C18orf63: variants seen among roughly 807,000 people sequenced by gnomAD.
The protein encoded by C18orf63 is uncharacterized protein C18orf63.
Under a neutral mutation model 75.3 loss-of-function variants are expected in C18orf63, and 50 were observed. The observed-to-expected ratio is 0.66, with a 90% CI of 0.53 to 0.84. The LOEUF (loss-of-function observed/expected upper bound fraction) is 0.84, where lower values mean the gene tolerates loss of function less well. C18orf63 is among the 40% of genes least tolerant of loss of function. The pLI is 0.00. For missense variants in C18orf63, 732 were observed against 800.2 expected (o/e 0.91, Z 1.03); for synonymous variants, 232 against 267.6 (o/e 0.87, Z 1.30).
chr18:74,321,377 TCA>T (rs1225493773), intron 3 of C18orf63, among the ~76,000 whole-genome samples: 1 of 146,008 alleles, frequency 6.8e-6, no homozygotes, highest in Non-Finnish European at 1.5e-5. Flanking sequence ...CCATCTCGAC[TCA>T]CTGCTACTTC....
At position 74,331,826 on chromosome 18, in the gene C18orf63, C is replaced by T. The variant is rs190878559; in HGVS notation, c.501+884C>T. Among the ~76,000 whole-genome samples the T allele has an allele frequency of 1.2e-4, 19 of 152,312 alleles. No individual in the cohort carries two copies. The East Asian group carries it at 2.9e-3, about 23-fold the overall frequency. ...TTAAGGGCCAACTCAAATGCTACTC[C>T]TCTATTCATTTATTTCCATTTAATT... On this transcript the variant is annotated intron_variant, in intron 7 of 13. Coordinates refer to ENST00000579455, the MANE Select transcript of C18orf63 (RefSeq NM_001174123.2).
In C18orf63 at chr18:74,320,559, G is replaced by A. The variant is rs1456056751; in HGVS notation, c.181G>A (p.Gly61Arg). 2.6e-6 allele frequency: 4 copies of A among 1,532,458 alleles called. No individual in the cohort carries two copies. The South Asian group carries it at 4.8e-5, about 18-fold the overall frequency. The allele number at this position is 1,532,458 out of a possible 1,614,324, so 94.9% of individuals were successfully genotyped here. A position where few individuals can be genotyped will look rare whatever the true frequency, so the allele number is the denominator to read the frequency against. ...HQDILTSPVS[G>R]ILNQIWVVMA... Reference sequence around the variant, plus strand: ...AGATATTCTTACATCACCTGTGTCTGGAATATTAAACCAAATCTGGGTGGT... The same window carrying A: ...AGATATTCTTACATCACCTGTGTCTAGAATATTAAACCAAATCTGGGTGGT... The change falls in exon 3 of 14, where the codon GGA (glycine) becomes AGA (arginine). Residue 61 changes from glycine to arginine, a missense_variant. Transcript: ENST00000579455.
rs1020724281 is a variant in C18orf63, at chr18:74,348,779, G to A, written c.979-4467G>A. Among the ~76,000 whole-genome samples, 4 of 152,080 alleles carry A rather than the reference G, an allele frequency of 2.6e-5. 1 individual carries two copies. The South Asian group carries it at 8.3e-4, about 32-fold the overall frequency. Reference sequence around the variant, plus strand: ...TGAATTATTTATCATCTCATCTGCTGTTTACATAGGCTCTTTTGTAGTCTT... The same window carrying A: ...TGAATTATTTATCATCTCATCTGCTATTTACATAGGCTCTTTTGTAGTCTT... On this transcript the variant is annotated intron_variant, in intron 11 of 13. Coordinates refer to ENST00000579455, the MANE Select transcript of C18orf63 (RefSeq NM_001174123.2).
rs761784833 is a variant in C18orf63 at position 74,330,954 on chromosome 18, T to A, written c.501+12T>A. ...TGCCAGCACCTGAGGTACCATATAT[T>A]GTGATTTCTATACTTTATTATATTT... On this transcript the variant is annotated intron_variant, in intron 7 of 13. Transcript: ENST00000579455. The A allele has an allele frequency of 8.6e-5, 108 of 1,260,248 alleles. No individual in the cohort carries two copies. Among genetic ancestry groups the A allele is most frequent in the Middle Eastern group, 2.0e-4 (1 of 5,032 alleles). 78.1% of individuals were successfully genotyped at this position (1,260,248 alleles called of 1,614,324 possible).
intron 11 of C18orf63, among the ~76,000 whole-genome samples, chr18:74,344,054 T>C (rs1984531904): frequency 1.3e-5 from 2 of 152,114 alleles, no homozygotes; most frequent in Admixed American, 6.6e-5. Flanking sequence ...GAAGGTAAGA[T>C]GCCTGCCCCT....
intron 3 of C18orf63, among the ~76,000 whole-genome samples, chr18:74,321,187 A>G (rs1049405718): frequency 1.3e-5 from 2 of 152,150 alleles, no homozygotes; most frequent in Non-Finnish European, 2.9e-5. Flanking sequence ...AATCCAGTGA[A>G]ATCAGCATTT....
intron 7 of C18orf63, among the ~76,000 whole-genome samples, chr18:74,332,432 C>T (rs1044268607): frequency 1.3e-5 from 2 of 152,142 alleles, no homozygotes; most frequent in East Asian, 1.9e-4. Flanking sequence ...TGGCTCAGCA[C>T]GGTGGCTCAC....
At chr18:74,355,744 AC>A (rs1351513875) in intron 13 of C18orf63, among the ~76,000 whole-genome samples, 1 of 152,118 alleles carries the variant, frequency 6.6e-6, no homozygotes, top group Non-Finnish European at 1.5e-5. Context: ...ACATGGCAAA[AC>A]CCCTTCTCTA....
intron 7 of C18orf63, among the ~76,000 whole-genome samples, chr18:74,334,560 G>A (rs1984360882): frequency 6.6e-6 from 1 of 152,108 alleles, no homozygotes; most frequent in South Asian, 2.1e-4. Context: ...GTGTGATTCA[G>A]TTACCAAGCT....
intron 3 of C18orf63, among the ~76,000 whole-genome samples, chr18:74,321,794 A>C (rs1013370183): frequency 6.6e-6 from 1 of 152,092 alleles, no homozygotes; most frequent in Non-Finnish European, 1.5e-5. Flanking sequence ...ATCTGTTTTT[A>C]AAAAATGTAT....
intron 11 of C18orf63, among the ~76,000 whole-genome samples, chr18:74,351,581 A>T (rs994097421): frequency 5.3e-5 from 8 of 152,230 alleles, no homozygotes. Flanking sequence ...CTCCAGCTGC[A>T]GAGTATCTAA....
chr18:74,336,956 C>T (rs1984401334), intron 7 of C18orf63, among the ~76,000 whole-genome samples: 1 of 152,020 alleles, frequency 6.6e-6, no homozygotes, highest in Admixed American at 6.6e-5. Context: ...TGCTCTAATT[C>T]AGACTCTCTT....
intron 11 of C18orf63, among the ~76,000 whole-genome samples, chr18:74,352,414 T>C (rs1984682233): frequency 1.3e-5 from 2 of 152,214 alleles, no homozygotes; most frequent in Admixed American, 1.3e-4. Context: ...TTATATTATT[T>C]ATGTGTATGT....
chr18:74,326,261 C>CTT, intron 4 of C18orf63, among the ~76,000 whole-genome samples: 1 of 152,326 alleles, frequency 6.6e-6, no homozygotes. Context: ...CAAAATGGTA[C>CTT]AAAAATTAGA....
At chr18:74,342,770 G>A (rs1179108691) in intron 10 of C18orf63, among the ~76,000 whole-genome samples, 1 of 151,992 alleles carries the variant, frequency 6.6e-6, no homozygotes, top group African/African-American at 2.4e-5. Context: ...ATACTTAATT[G>A]CACCCCATTG....
intron 7 of C18orf63, among the ~76,000 whole-genome samples, chr18:74,332,284 C>T (rs1984320685): frequency 6.6e-6 from 1 of 152,128 alleles, no homozygotes; most frequent in Non-Finnish European, 1.5e-5. Context: ...GTCTCTCTTC[C>T]TTTTATAAAG....
chr18:74,354,252 G>A lies in C18orf63; in HGVS notation c.1985G>A (p.Ser662Asn). Reference sequence around the variant, plus strand: ...GATACTGTGCACTATGGCCAATCCAGTTCTTCTAAGAAGCAGGTAAAAAAA... The same window carrying A: ...GATACTGTGCACTATGGCCAATCCAATTCTTCTAAGAAGCAGGTAAAAAAA... Reference protein sequence around the residue: ...HSDTVHYGQSSSSKKQILDSD... With the variant: ...HSDTVHYGQSNSSKKQILDSD... The change falls in exon 12 of 14, where the codon AGT becomes AAT. Residue 662 changes from serine (S) to asparagine (N), a missense_variant. By Grantham distance (46) the Ser-to-Asn change is conservative. This residue lies in a region of C18orf63 where 495 missense variants were observed against 508.7 expected (regional missense o/e 0.97). Transcript: ENST00000579455. 6.6e-7 allele frequency: 1 copy of A among 1,510,546 alleles called. No individual in the cohort carries two copies. Among genetic ancestry groups the A allele is most frequent in the Non-Finnish European group, 8.8e-7 (1 of 1,138,384 alleles). 93.6% of individuals were successfully genotyped at this position (1,510,546 alleles called of 1,614,324 possible).
At chr18:74,344,990 T>C (rs540188186) in intron 11 of C18orf63, among the ~76,000 whole-genome samples, 39 of 152,216 alleles carry the variant, frequency 2.6e-4, no homozygotes, top group African/African-American at 8.7e-4. Context: ...CTAACCAATC[T>C]GTATTCCCCT....
intron 11 of C18orf63, among the ~76,000 whole-genome samples, chr18:74,344,950 C>T (rs1353291458): frequency 2.6e-5 from 4 of 151,930 alleles, no homozygotes; most frequent in Middle Eastern, 3.2e-3. Context: ...TGGGTATTTC[C>T]AACTTTGCTG....
Sources: allele counts gnomAD v4.1 joint callset (sites outside exome capture counted in the v4.1 genomes callset), GRCh38; gene constraint gnomAD v4.1.1; regional missense constraint gnomAD v4.1.1; transcripts MANE v1.5; gene names NCBI Gene and HGNC (gene_info 2026-07-23, HGNC 2026-07-21).